DMTF1: variants seen among roughly 807,000 people sequenced by gnomAD.
DMTF1 encodes the protein cyclin-D-binding Myb-like transcription factor 1.
Under a neutral mutation model 91.1 loss-of-function variants are expected in DMTF1, and 39 were observed. The observed-to-expected ratio is 0.43, with a 90% CI of 0.33 to 0.56. DMTF1 has a LOEUF of 0.56. Among genes scored for constraint, DMTF1 ranks in the 20% least tolerant of loss-of-function variants. DMTF1 has a pLI of 0.05. For synonymous variants in DMTF1, 338 were observed against 309.5 expected (o/e 1.09, Z -0.97); for missense variants, 750 against 914.5 (o/e 0.82, Z 2.32).
Position 87,188,137 on chromosome 7 carries a change from A to C in DMTF1, c.1247A>C (p.Asn416Thr). The C allele has an allele frequency of 6.2e-7, 1 of 1,613,964 alleles. No individual in the cohort carries two copies. Among genetic ancestry groups the C allele is most frequent in the Non-Finnish European group, 8.5e-7 (1 of 1,179,908 alleles). The change falls in exon 13 of 18, where the codon AAC becomes ACC. Residue 416 changes from asparagine (N) to threonine (T), a missense_variant. Coordinates refer to ENST00000331242, the MANE Select transcript of DMTF1 (RefSeq NM_001142327.2). ...LKQLHENQKN[N>T]PTLLENKSGS... ...CAGTTACATGAGAACCAAAAAAACA[A>C]CCCAACGCTTTTGGAGAATAAATCA...
chr7:87,155,680 A>G (rs1790493142), intron 1 of DMTF1: 1 of 152,152 alleles, frequency 6.6e-6, no homozygotes, highest in Admixed American at 6.5e-5. Context: ...GTTTGCTTTG[A>G]TTCTATAAAG....
intron 1 of DMTF1, among the ~76,000 whole-genome samples, chr7:87,153,763 C>T (rs546877008): frequency 2.0e-5 from 3 of 152,226 alleles, no homozygotes; most frequent in African/African-American, 7.2e-5. Context: ...TAAAGTGACG[C>T]CATTTGGAAA....
At chr7:87,182,359 G>C (rs1158627945) in intron 10 of DMTF1, 22 bp downstream of exon 10, 3 of 1,613,162 alleles carry the variant, frequency 1.9e-6, no homozygotes, top group Non-Finnish European at 2.5e-6. Flanking sequence ...ACTACTGGTA[G>C]CGTTTTCTTG....
At chr7:87,156,156 C>T (rs985287995) in intron 1 of DMTF1, among the ~76,000 whole-genome samples, 4 of 152,018 alleles carry the variant, frequency 2.6e-5, no homozygotes, top group South Asian at 2.1e-4. Context: ...TCAAGTGTGG[C>T]GAATAACACA....
chr7:87,194,861 T>C, intron 17 of DMTF1, 33 bp downstream of exon 17: 1 of 1,575,716 alleles, frequency 6.3e-7, no homozygotes, highest in Non-Finnish European at 8.6e-7. Context: ...ATGTGCCTGA[T>C]AAATTTTAGA....
chr7:87,159,225 T>C (rs1584188598), intron 1 of DMTF1, among the ~76,000 whole-genome samples: 1 of 152,272 alleles, frequency 6.6e-6, no homozygotes, highest in East Asian at 1.9e-4. Context: ...AAGCTATAAA[T>C]AAGGAGTGCA....
At chr7:87,162,255 T>C (rs1159519630) in intron 1 of DMTF1, among the ~76,000 whole-genome samples, 1 of 152,116 alleles carries the variant, frequency 6.6e-6, no homozygotes, top group Non-Finnish European at 1.5e-5. Context: ...TTATTTTTTT[T>C]CTGGAGACTA....
In DMTF1 at chr7:87,179,650, G is replaced by A; in HGVS notation, c.625G>A (p.Ala209Thr). 1 of 1,582,996 alleles carries A rather than the reference G, an allele frequency of 6.3e-7. No individual in the cohort carries two copies. Among genetic ancestry groups the A allele is most frequent in the Non-Finnish European group, 8.6e-7 (1 of 1,168,976 alleles). Reference sequence around the variant, plus strand: ...ATGGGGTCTGAACCGGCCTTTGTTTGCAGTTTATAGAAGAGTGCTTCGCAT... The same window carrying A: ...ATGGGGTCTGAACCGGCCTTTGTTTACAGTTTATAGAAGAGTGCTTCGCAT... ...IAWGLNRPLF[A>T]VYRRVLRMYD... The change falls in exon 8 of 18, where the codon GCA (alanine) becomes ACA (threonine). Residue 209 changes from alanine to threonine, a missense_variant. This residue lies in a region of DMTF1 where 190 missense variants were observed against 343.8 expected (regional missense o/e 0.55). Transcript: ENST00000331242.
In DMTF1 at chr7:87,152,503, T is replaced by G. The variant is rs1209692501; in HGVS notation, c.-184T>G. 6.5e-6 allele frequency: 1 copy of G among 152,780 alleles called. No individual in the cohort carries two copies. The highest frequency in any genetic ancestry group is 1.5e-5 in the Non-Finnish European group (1 of 68,080). The allele number at this position is 152,780 out of a possible 1,614,324, so 9.5% of individuals were successfully genotyped here. A position where few individuals can be genotyped will look rare whatever the true frequency, so the allele number is the denominator to read the frequency against. ...GTGGCTGCTTCCTCCATCCTGGTAT[T>G]TTTTGGAGCTTCCATCCTGGTTCTT... On this transcript the variant is annotated 5_prime_UTR_variant, in exon 1 of 18. The change creates a new upstream start codon in the 5' untranslated region. Coordinates refer to ENST00000331242, the MANE Select transcript of DMTF1 (RefSeq NM_001142327.2).
In DMTF1 at chr7:87,192,937, G is replaced by T. The variant is rs960088225; in HGVS notation, c.1495-261G>T. 3.4e-5 allele frequency: 13 copies of T among 378,394 alleles called. No individual in the cohort carries two copies. The Admixed American group carries it at 5.0e-4, about 15-fold the overall frequency. The allele number at this position is 378,394 out of a possible 1,614,324, so 23.4% of individuals were successfully genotyped here. A position where few individuals can be genotyped will look rare whatever the true frequency, so the allele number is the denominator to read the frequency against. On this transcript the variant is annotated intron_variant, in intron 14 of 17. Coordinates refer to ENST00000331242, the MANE Select transcript of DMTF1 (RefSeq NM_001142327.2). Reference sequence around the variant, plus strand: ...TTGGGTGTTGTGGGTTACTGCACTGGAAACAGTGGCTCATACAACTGTCTT... The same window carrying T: ...TTGGGTGTTGTGGGTTACTGCACTGTAAACAGTGGCTCATACAACTGTCTT...
rs980217730 is a variant in DMTF1 at position 87,185,868 on chromosome 7, C to T, written c.1089C>T (p.Asn363=). 1.2e-6 allele frequency: 2 copies of T among 1,613,914 alleles called. No homozygotes were observed. The highest frequency in any genetic ancestry group is 2.2e-5 in the East Asian group (1 of 44,862). The stretch of plus-strand genomic sequence containing the variant: ...ATGTAGCTGATGAAAATGACATTAA[C>T]TGGGATCTGTTAGCTGAGGGATGGA... The part of the protein sequence containing the change: ...ELDVADENDI[N]WDLLAEGWSS... The change falls in exon 12 of 18, where the codon AAC becomes AAT. Residue 363 remains asparagine, a synonymous_variant. Transcript: ENST00000331242.
Position 87,193,354 on chromosome 7 carries a change from G to A in DMTF1, c.1650+1G>A. On this transcript the variant is annotated splice_donor_variant, in intron 15 of 17. Coordinates refer to ENST00000331242, the MANE Select transcript of DMTF1 (RefSeq NM_001142327.2). LOFTEE classifies it high-confidence loss of function. ...ACAGATTATTGTTCATGCTTTATCC[G>A]TATGTTACATAAATTACTTGATTTT... 1 of 1,612,738 alleles carries A rather than the reference G, an allele frequency of 6.2e-7. No homozygotes were observed. Among genetic ancestry groups the A allele is most frequent in the Non-Finnish European group, 8.5e-7 (1 of 1,179,228 alleles).
chr7:87,168,616 T>G (rs1645343431), intron 4 of DMTF1, among the ~76,000 whole-genome samples: 1 of 152,218 alleles, frequency 6.6e-6, no homozygotes. Flanking sequence ...AGTCCTTTTT[T>G]TTCTCTCACT....
intron 8 of DMTF1, among the ~76,000 whole-genome samples, chr7:87,180,856 C>CTTTT (rs397889347): frequency 0.027 from 3,399 of 127,592 alleles, 63 homozygotes; most frequent in East Asian, 0.038. Context: ...TTATTTTCAA[C>CTTTT]TTTTTTTTTT....
intron 13 of DMTF1, among the ~76,000 whole-genome samples, chr7:87,190,389 A>AT (rs1321111255): frequency 6.6e-6 from 1 of 152,080 alleles, no homozygotes; most frequent in African/African-American, 2.4e-5. Context: ...AAAGCCTAGT[A>AT]TTTTTGGACT....
Position 87,193,847 on chromosome 7 carries a change from C to T in DMTF1, c.1773C>T (p.Val591=), listed in dbSNP as rs201089625. Residue 591 remains valine, a synonymous_variant, in exon 16 of 18, where the codon GTC becomes GTT. Transcript: ENST00000331242. ...CCATATCCCAAGCAGAACTGACAGT[C>T]GATAGTGATATTCAGTCATCTGATT... ...TSSISQAELT[V]DSDIQSSDFP... The T allele has an allele frequency of 9.2e-5, 149 of 1,613,146 alleles. No individual in the cohort carries two copies. The highest frequency in any genetic ancestry group is 2.9e-4 in the East Asian group (13 of 44,844).
chr7:87,155,013 C>T (rs1259094330), intron 1 of DMTF1, among the ~76,000 whole-genome samples: 1 of 152,146 alleles, frequency 6.6e-6, no homozygotes, highest in African/African-American at 2.4e-5. Flanking sequence ...CTGAAAATAA[C>T]ATCTCATTAT....
At position 87,195,090 on chromosome 7, in the gene DMTF1, C is replaced by T. The variant is rs148348333; in HGVS notation, c.2233C>T (p.Pro745Ser). ...TATCATTGGATCATCCTTGGGCAGT[C>T]CTGTTTCAGAAGATTCAAAGGATGT... ...SNIIGSSLGS[P>S]VSEDSKDVED... is the part of the protein sequence containing the mutation. Residue 745 changes from proline to serine, a missense_variant, in exon 18 of 18, where the codon CCT becomes TCT. Pro to Ser is a moderately conservative substitution (Grantham distance 74). Coordinates refer to ENST00000331242, the MANE Select transcript of DMTF1 (RefSeq NM_001142327.2). 7.4e-6 allele frequency: 12 copies of T among 1,612,082 alleles called. No individual in the cohort carries two copies. In the African/African-American group the frequency reaches 1.6e-4, roughly 22 times the overall value.
Position 87,194,734 on chromosome 7 carries a change from T to C in DMTF1, c.2079T>C (p.Asp693=), listed in dbSNP as rs1341586927. The C allele has an allele frequency of 6.2e-7, 1 of 1,610,976 alleles. No individual in the cohort carries two copies. The highest frequency in any genetic ancestry group is 2.2e-5 in the East Asian group (1 of 44,744). ...IEEQVDQTID[D]ETILIVPSPH... ...AACAAGTTGATCAAACAATTGATGA[T>C]GAAACAATACTTATCGTTCCTTCAC... The change falls in exon 17 of 18, where the codon GAT becomes GAC. Residue 693 remains aspartate (D), a synonymous_variant. Transcript: ENST00000331242.
Sources: gnomAD v4.1 joint callset for allele counts (sites outside exome capture counted in the v4.1 genomes callset) on GRCh38, gnomAD v4.1.1 for gene constraint, gnomAD v4.1.1 regional missense constraint, MANE v1.5 for transcripts, NCBI Gene and HGNC (gene_info 2026-07-23, HGNC 2026-07-21) for gene names.